Variants in LGSN observed in about 807,000 individuals in gnomAD.
The protein encoded by LGSN is lengsin, lens protein with glutamine synthetase domain.
In LGSN, 21 loss-of-function variants were observed where a neutral mutation model predicts 19.5. That is an observed-to-expected ratio of 1.07 (90% CI 0.76 to 1.55). The LOEUF (loss-of-function observed/expected upper bound fraction) is 1.55. Among genes scored for constraint, LGSN ranks in the 40% most tolerant of loss-of-function variants. The pLI, the probability that LGSN is intolerant of heterozygous loss-of-function variation, is 0.00. For missense variants in LGSN, 673 were observed against 608.5 expected, an observed-to-expected ratio of 1.11 and a Z score of -1.12; for synonymous variants, 257 against 215.6, an observed-to-expected ratio of 1.19 and a Z score of -1.68.
chr6:63,328,502 G>A, the LGSN span, among the ~76,000 whole-genome samples: 1 of 152,216 alleles, frequency 6.6e-6, no homozygotes, highest in Non-Finnish European at 1.5e-5. Flanking sequence ...ACTCCAGACA[G>A]TGAGATCCTT....
At chr6:63,483,818 T>C in the LGSN span, among the ~76,000 whole-genome samples, 1 of 152,090 alleles carries the variant, frequency 6.6e-6, no homozygotes, top group Non-Finnish European at 1.5e-5. Context: ...TTCTTTTCTT[T>C]TTCTTTTCTT....
the LGSN span, among the ~76,000 whole-genome samples, chr6:63,494,141 G>T: frequency 6.6e-6 from 1 of 151,888 alleles, no homozygotes; most frequent in African/African-American, 2.4e-5. Flanking sequence ...GTAGAGATGA[G>T]GTTTCACCAT....
At chr6:63,314,781 T>TA (rs1166009533) in intron 1 of LGSN, among the ~76,000 whole-genome samples, 4 of 152,200 alleles carry the variant, frequency 2.6e-5, no homozygotes, top group African/African-American at 9.6e-5. Flanking sequence ...TTCACATAGT[T>TA]ATAGTGGAAA....
At chr6:63,471,482 A>G in the LGSN span, among the ~76,000 whole-genome samples, 1 of 151,892 alleles carries the variant, frequency 6.6e-6, no homozygotes, top group African/African-American at 2.4e-5. Flanking sequence ...CCTGGCCAAC[A>G]TGGTGAAACC....
chr6:63,402,850 C>T, the LGSN span, among the ~76,000 whole-genome samples: 3 of 151,924 alleles, frequency 2.0e-5, no homozygotes, highest in Non-Finnish European at 2.9e-5. Context: ...GCAGATTACC[C>T]TCCATAATAT....
chr6:63,352,016 G>GT, the LGSN span, among the ~76,000 whole-genome samples: 1 of 152,118 alleles, frequency 6.6e-6, no homozygotes, highest in East Asian at 1.9e-4. Context: ...GTACTTAAGA[G>GT]TAAGTAACAA....
At chr6:63,498,932 T>C in the LGSN span, among the ~76,000 whole-genome samples, 4 of 152,246 alleles carry the variant, frequency 2.6e-5, no homozygotes, top group African/African-American at 9.6e-5. Flanking sequence ...TGAGCTTACA[T>C]GGAATTTATT....
At chr6:63,340,688 T>G in the LGSN span, among the ~76,000 whole-genome samples, 3 of 152,028 alleles carry the variant, frequency 2.0e-5, no homozygotes, top group Non-Finnish European at 4.4e-5. Flanking sequence ...CTGATTTCCT[T>G]GTATGGTTTA....
intron 2 of LGSN, among the ~76,000 whole-genome samples, chr6:63,287,143 G>C (rs1767570445): frequency 6.6e-6 from 1 of 151,826 alleles, no homozygotes; most frequent in Non-Finnish European, 1.5e-5. Context: ...TAAGTATGAA[G>C]CATGGGAAAA....
At chr6:63,428,083 C>T in the LGSN span, among the ~76,000 whole-genome samples, 2 of 152,092 alleles carry the variant, frequency 1.3e-5, no homozygotes, top group South Asian at 4.1e-4. Flanking sequence ...TTGTGATTTT[C>T]CTCATGCTGA....
At chr6:63,381,538 T>C in the LGSN span, among the ~76,000 whole-genome samples, 2 of 152,258 alleles carry the variant, frequency 1.3e-5, no homozygotes, top group African/African-American at 4.8e-5. Flanking sequence ...ATTTCCTTCA[T>C]AAAAATTATC....
chr6:63,327,538 C>G, the LGSN span, among the ~76,000 whole-genome samples: 5 of 152,168 alleles, frequency 3.3e-5, no homozygotes, highest in South Asian at 8.3e-4. Context: ...GTCTAGGCCT[C>G]GGCAGTATTG....
chr6:63,344,492 T>G, the LGSN span, among the ~76,000 whole-genome samples: 2 of 152,158 alleles, frequency 1.3e-5, no homozygotes, highest in Non-Finnish European at 2.9e-5. Context: ...GAAGAAATCA[T>G]GCAGTTCAAG....
the LGSN span, among the ~76,000 whole-genome samples, chr6:63,416,858 G>A: frequency 2.1e-4 from 32 of 151,820 alleles, no homozygotes; most frequent in Middle Eastern, 0.01. Context: ...ATGAGCCACC[G>A]CACCTGGCCT....
chr6:63,498,022 G>A, the LGSN span, among the ~76,000 whole-genome samples: 4 of 150,418 alleles, frequency 2.7e-5, no homozygotes, highest in East Asian at 2.0e-4. Flanking sequence ...GGGTTCAAGC[G>A]ATTCTCTTGC....
the LGSN span, among the ~76,000 whole-genome samples, chr6:63,514,651 TC>T: frequency 1.3e-5 from 2 of 152,224 alleles, no homozygotes; most frequent in Non-Finnish European, 2.9e-5. Flanking sequence ...CATTAACCAC[TC>T]TATGTCCCCA....
At chr6:63,523,001 A>T in the LGSN span, among the ~76,000 whole-genome samples, 1 of 151,504 alleles carries the variant, frequency 6.6e-6, no homozygotes, top group African/African-American at 2.4e-5. Context: ...AGTAGCTGGG[A>T]CTACAGGCAT....
the LGSN span, among the ~76,000 whole-genome samples, chr6:63,572,993 C>A: frequency 2.6e-5 from 4 of 151,944 alleles, no homozygotes; most frequent in Non-Finnish European, 5.9e-5. Flanking sequence ...CCCGGAGCGA[C>A]GGGGGCGGCG....
At chr6:63,481,455 G>A in the LGSN span, among the ~76,000 whole-genome samples, 7 of 151,600 alleles carry the variant, frequency 4.6e-5, no homozygotes, top group African/African-American at 1.7e-4. Flanking sequence ...CGATTCTCCC[G>A]CCTCAGCCTC....
Sources: allele counts gnomAD v4.1 joint callset (sites outside exome capture counted in the v4.1 genomes callset), GRCh38; gene constraint gnomAD v4.1.1; transcripts MANE v1.5; gene names NCBI Gene and HGNC (gene_info 2026-07-23, HGNC 2026-07-21).